ANGEL1: variants seen among roughly 807,000 people sequenced by gnomAD.
ANGEL1 encodes the protein angel homolog 1, also known as RNA 2',3'-cyclic phosphatase ANGEL1.
Under a neutral mutation model 76.4 loss-of-function variants are expected in ANGEL1, and 62 were observed. The ratio of observed to expected loss-of-function variants is 0.81; its 90% CI spans 0.66 to 1.00. The LOEUF (loss-of-function observed/expected upper bound fraction) is 1.00, where lower values mean the gene tolerates loss of function less well. Ranked by LOEUF, ANGEL1 falls within the 50% of genes least tolerant of loss-of-function variation. ANGEL1 has a pLI of 0.00. For synonymous variants in ANGEL1, 340 were observed against 331.7 expected (o/e 1.03, Z -0.27); for missense variants, 737 against 836.7 (o/e 0.88, Z 1.47).
At chr14:76,789,434 C>T (rs137867398) in intron 9 of ANGEL1, 46 bp from the exon 10 acceptor site, 3 of 1,607,866 alleles carry the variant, frequency 1.9e-6, no homozygotes, top group South Asian at 1.1e-5. Flanking sequence ...GCCGCAGCCA[C>T]ACTGCATGGG....
rs535732750 is a variant in ANGEL1 at position 76,790,758 on chromosome 14, G to A, written c.1705C>T (p.Gln569Ter). ...PAFSRTVGTIQHCLHLTSVYT... is the reference protein window; with the variant it reads ...PAFSRTVGTI ...ACTGACGTCAGGTGGAGGCAGTGCT[G>A]GATGGTACCTACAGTCCTACAGGGA... The change falls in exon 9 of 10, where the codon CAG becomes TAG. Residue 569 changes from glutamine to a stop codon, truncating the protein, a stop_gained. Transcript: ENST00000251089. LOFTEE classifies it high-confidence loss of function. 1 of 1,613,560 alleles carries A rather than the reference G, an allele frequency of 6.2e-7. No individual in the cohort carries two copies. The highest frequency in any genetic ancestry group is 8.5e-7 in the Non-Finnish European group (1 of 1,179,674).
rs548859215 is a variant in ANGEL1 at position 76,789,120 on chromosome 14, G to A, written c.*108C>T. The A allele has an allele frequency of 6.5e-6, 9 of 1,376,604 alleles. No homozygotes were observed. Among genetic ancestry groups the A allele is most frequent in the Admixed American group, 4.1e-5 (2 of 48,202 alleles). The allele number at this position is 1,376,604 out of a possible 1,614,324, so 85.3% of individuals were successfully genotyped here. A position where few individuals can be genotyped will look rare whatever the true frequency, so the allele number is the denominator to read the frequency against. ...AAGGGAACGAGGAGGGGGAAGGGAG[G>A]GGATGTAAGTTTCTTGGATCTAAGT... On this transcript the variant is annotated 3_prime_UTR_variant, in exon 10 of 10. Coordinates refer to ENST00000251089, the MANE Select transcript of ANGEL1 (RefSeq NM_015305.4).
At chr14:76,801,469 C>T (rs1666088013) in intron 7 of ANGEL1, among the ~76,000 whole-genome samples, 1 of 152,072 alleles carries the variant, frequency 6.6e-6, no homozygotes, top group African/African-American at 2.4e-5. Flanking sequence ...CACATCTTTT[C>T]GTTTTGGGAA....
intron 9 of ANGEL1, among the ~76,000 whole-genome samples, chr14:76,790,032 T>C (rs1056377083): frequency 6.6e-6 from 1 of 151,912 alleles, no homozygotes; most frequent in Non-Finnish European, 1.5e-5. Context: ...CCCGGCTAAT[T>C]TTTTGTATTT....
At position 76,804,564 on chromosome 14, in the gene ANGEL1, A is replaced by C. The variant is rs1320511214; in HGVS notation, c.1381-652T>G. On this transcript the variant is annotated intron_variant, in intron 5 of 9. Coordinates refer to ENST00000251089, the MANE Select transcript of ANGEL1 (RefSeq NM_015305.4). ...GACACTAGCTAGGTGCTGGGGATAGAGCAGCAATAGACAGAATCCCCTTGC... is the reference window on the plus strand; with the variant it reads ...GACACTAGCTAGGTGCTGGGGATAGCGCAGCAATAGACAGAATCCCCTTGC... 5.6e-6 allele frequency: 3 copies of C among 537,124 alleles called. No homozygotes were observed. The African/African-American group carries it at 6.2e-5, about 11-fold the overall frequency. 33.3% of individuals were successfully genotyped at this position (537,124 alleles called of 1,614,324 possible).
Position 76,787,695 on chromosome 14 carries a change from G to A in ANGEL1, c.*1533C>T, listed in dbSNP as rs1894290969. On this transcript the variant is annotated 3_prime_UTR_variant, in exon 10 of 10. Transcript: ENST00000251089. ...AAAAAAGGAAAGAACCTTAACCCCT[G>A]GCTTACTGTCCCGAACTCAAGTCTC... The A allele has an allele frequency of 6.6e-6, 1 of 152,548 alleles. No individual in the cohort carries two copies. The highest frequency in any genetic ancestry group is 2.4e-5 in the African/African-American group (1 of 41,464). 9.4% of individuals were successfully genotyped at this position (152,548 alleles called of 1,614,324 possible). A position where few individuals can be genotyped will look rare whatever the true frequency, so the allele number is the denominator to read the frequency against.
chr14:76,812,813 G>C lies in ANGEL1; in HGVS notation c.15C>G (p.Cys5Trp). MIASCLCYLLLPATR... is the reference protein window; with the variant it reads MIASWLCYLLLPATR... ...TGGCCGGCAGCAGCAGGTAACACAA[G>C]CACGACGCGATCATGGCCGGCCGCC... The change falls in exon 1 of 10, where the codon TGC becomes TGG. Residue 5 changes from cysteine to tryptophan, a missense_variant. This residue lies in a region of ANGEL1 where 441 missense variants were observed against 449.5 expected (regional missense o/e 0.98). Transcript: ENST00000251089. 6.6e-7 allele frequency: 1 copy of C among 1,518,142 alleles called. No homozygotes were observed. Among genetic ancestry groups the C allele is most frequent in the East Asian group, 2.6e-5 (1 of 38,516 alleles). The allele number at this position is 1,518,142 out of a possible 1,614,324, so 94.0% of individuals were successfully genotyped here.
intron 1 of ANGEL1, chr14:76,810,134 A>G (rs1280912113): frequency 6.6e-6 from 3 of 453,172 alleles, no homozygotes; most frequent in African/African-American, 2.0e-5. Flanking sequence ...TGACTGTAAA[A>G]TGGGGACAAG....
rs531818236 is a variant in ANGEL1 at position 76,799,495 on chromosome 14, A to G, written c.1618+3876T>C. The stretch of plus-strand genomic sequence containing the variant: ...TTTTTAGTAGAGACAGGGTTTCACC[A>G]TGTTAGCCAAGATGGTCTCGATCTC... On this transcript the variant is annotated intron_variant, in intron 7 of 9. Transcript: ENST00000251089. 5.7e-3 allele frequency among the ~76,000 whole-genome samples: 860 copies of G among 151,674 alleles called. 6 individuals are homozygous for G. The highest frequency in any genetic ancestry group is 0.02 in the African/African-American group (817 of 41,368).
At chr14:76,804,007 T>C (rs1018602044) in intron 5 of ANGEL1, 95 bp from the exon 6 acceptor site, 10 of 1,612,128 alleles carry the variant, frequency 6.2e-6, no homozygotes, top group African/African-American at 1.3e-5. Flanking sequence ...TACAAACACA[T>C]ACAATCACAC....
At chr14:76,809,690 C>A in intron 1 of ANGEL1, 47 bp from the exon 2 acceptor site, 2 of 1,487,362 alleles carry the variant, frequency 1.3e-6, no homozygotes, top group South Asian at 2.4e-5. Context: ...TCATCCAACC[C>A]ACACTATTCT....
At chr14:76,807,884 G>C (rs57281781) in intron 3 of ANGEL1, 38 bp downstream of exon 3, 78,292 of 1,605,526 alleles carry the variant, frequency 0.049, 2,159 homozygotes, top group Middle Eastern at 0.08. Flanking sequence ...CCCAGGTCCA[G>C]CAACAATGCA....
At chr14:76,793,404 GGATAAAAGGAAA>G (rs1894472503) in intron 7 of ANGEL1, among the ~76,000 whole-genome samples, 3 of 39,756 alleles carry the variant, frequency 7.5e-5, no homozygotes, top group African/African-American at 9.4e-5. Flanking sequence ...AGGGGAGAGG[GGATAAAAGGAAA>G]GAGGAGAGGG....
In ANGEL1 at chr14:76,809,245, C is replaced by A. The variant is rs763815888; in HGVS notation, c.463G>T (p.Glu155Ter). The change falls in exon 2 of 10, where the codon GAG becomes TAG. Residue 155 changes from glutamate to a stop codon, truncating the protein, a stop_gained. Coordinates refer to ENST00000251089, the MANE Select transcript of ANGEL1 (RefSeq NM_015305.4). LOFTEE classifies it high-confidence loss of function. ...GCAGCACAGTCTGCATACTGGGGCT[C>A]CGACTGCATGGGGATAGCTGCCCAC... ...SMWAAIPMQS[E>*]PQYADCAALP... 4 of 1,613,138 alleles carry A rather than the reference C, an allele frequency of 2.5e-6. No homozygotes were observed. In the Admixed American group the frequency reaches 6.7e-5, roughly 27 times the overall value.
At chr14:76,798,172 G>A (rs1442581294) in intron 7 of ANGEL1, among the ~76,000 whole-genome samples, 2 of 151,516 alleles carry the variant, frequency 1.3e-5, no homozygotes, top group East Asian at 1.9e-4. Flanking sequence ...TTGCCCAGGC[G>A]GGAGTGCAGT....
intron 7 of ANGEL1, among the ~76,000 whole-genome samples, chr14:76,798,111 C>A (rs1025266720): frequency 6.9e-6 from 1 of 145,342 alleles, no homozygotes; most frequent in Non-Finnish European, 1.5e-5. Context: ...TCACCAGACA[C>A]TAAATTTGCC....
In ANGEL1 at chr14:76,796,372, T is replaced by C. The variant is rs1280004074; in HGVS notation, c.1619-5006A>G. Among the ~76,000 whole-genome samples the C allele has an allele frequency of 7.9e-5, 12 of 151,754 alleles. No individual in the cohort carries two copies. The South Asian group carries it at 1.5e-3, about 19-fold the overall frequency. On this transcript the variant is annotated intron_variant, in intron 7 of 9. Coordinates refer to ENST00000251089, the MANE Select transcript of ANGEL1 (RefSeq NM_015305.4). The stretch of plus-strand genomic sequence containing the variant: ...CAAGTTATCCTTTTACCTTAGCCTC[T>C]CGGTAGCTGGGAGTATAGGCACATG...
At chr14:76,811,261 A>G (rs994159553) in intron 1 of ANGEL1, among the ~76,000 whole-genome samples, 1 of 152,098 alleles carries the variant, frequency 6.6e-6, no homozygotes, top group Admixed American at 6.6e-5. Context: ...CTCTAAACCT[A>G]TGTATGGGCT....
At chr14:76,807,724 GGT>G (rs975325370) in intron 3 of ANGEL1, among the ~76,000 whole-genome samples, 196 bp downstream of exon 3, 1 of 152,202 alleles carries the variant, frequency 6.6e-6, no homozygotes, top group Non-Finnish European at 1.5e-5. Flanking sequence ...CCTGCATAAA[GGT>G]GCTGGGAAGT....
Sources: gnomAD v4.1 joint callset for allele counts (sites outside exome capture counted in the v4.1 genomes callset) on GRCh38, gnomAD v4.1.1 for gene constraint, gnomAD v4.1.1 regional missense constraint, MANE v1.5 for transcripts, NCBI Gene and HGNC (gene_info 2026-07-23, HGNC 2026-07-21) for gene names.